VEPH1: variants seen among roughly 807,000 people sequenced by gnomAD.
VEPH1 encodes the protein ventricular zone-expressed PH domain-containing protein homolog 1.
In VEPH1, 80 loss-of-function variants were observed where a neutral mutation model predicts 85.2. The observed-to-expected ratio is 0.94, with a 90% confidence interval of 0.78 to 1.13. The LOEUF (loss-of-function observed/expected upper bound fraction) is 1.13, where lower values mean the gene tolerates loss of function less well. Ranked by LOEUF, VEPH1 falls within the 50% of genes most tolerant of loss-of-function variation. VEPH1 has a pLI of 0.00. For missense variants in VEPH1, 955 were observed against 980.5 expected (o/e 0.97, Z 0.35); for synonymous variants, 297 against 348.0 (o/e 0.85, Z 1.63).
At position 157,328,948 on chromosome 3, in the gene VEPH1, T is replaced by A. The variant is rs575121115; in HGVS notation, c.1736-11747A>T. On this transcript the variant is annotated intron_variant, in intron 9 of 13. Coordinates refer to ENST00000362010, the MANE Select transcript of VEPH1 (RefSeq NM_001167912.2). ...AAGATGTCAAGTAATTTATCTAAGGTCACATGGCTAGCAACTGGCAGTCCA... is the reference window on the plus strand; with the variant it reads ...AAGATGTCAAGTAATTTATCTAAGGACACATGGCTAGCAACTGGCAGTCCA... 4.6e-5 allele frequency among the ~76,000 whole-genome samples: 7 copies of A among 152,290 alleles called. No individual in the cohort carries two copies. The South Asian group carries it at 1.4e-3, about 32-fold the overall frequency.
intron 4 of VEPH1, chr3:157,459,786 C>A: frequency 6.8e-7 from 1 of 1,475,764 alleles, no homozygotes; most frequent in Non-Finnish European, 9.0e-7. Flanking sequence ...TAACAAAAGA[C>A]ATTTCTTGCT....
At chr3:157,343,176 T>A (rs1723783005) in intron 9 of VEPH1, among the ~76,000 whole-genome samples, 1 of 151,816 alleles carries the variant, frequency 6.6e-6, no homozygotes, top group African/African-American at 2.4e-5. Context: ...ATAACTAAGA[T>A]CAGAGCAGAA....
intron 2 of VEPH1, among the ~76,000 whole-genome samples, chr3:157,481,479 A>AC (rs1738079911): frequency 8.2e-6 from 1 of 121,472 alleles, no homozygotes; most frequent in African/African-American, 3.8e-5. Flanking sequence ...AAAAAAAAAA[A>AC]AAAAAAACAA....
intron 9 of VEPH1, among the ~76,000 whole-genome samples, chr3:157,360,932 T>C (rs1220929091): frequency 6.6e-6 from 1 of 152,218 alleles, no homozygotes; most frequent in East Asian, 1.9e-4. Flanking sequence ...TGCAGGATTT[T>C]CTCACACATT....
Position 157,459,939 on chromosome 3 carries a change from G to T in VEPH1, c.529+242C>A, listed in dbSNP as rs1463356593. 5.9e-6 allele frequency: 9 copies of T among 1,537,076 alleles called. No homozygotes were observed. The highest frequency in any genetic ancestry group is 7.8e-6 in the Non-Finnish European group (9 of 1,146,912). On this transcript the variant is annotated intron_variant, in intron 4 of 13. Transcript: ENST00000362010. Reference sequence around the variant, plus strand: ...GCAGTTCTTCAAACTGAGAAACACAGATTTGGAAGAATGCTTACAATTCTT... The same window carrying T: ...GCAGTTCTTCAAACTGAGAAACACATATTTGGAAGAATGCTTACAATTCTT...
At chr3:157,350,343 C>T (rs973720102) in intron 9 of VEPH1, among the ~76,000 whole-genome samples, 2 of 152,142 alleles carry the variant, frequency 1.3e-5, no homozygotes, top group African/African-American at 2.4e-5. Context: ...GGACTCCTAC[C>T]TCTTATCCTA....
At chr3:157,397,726 A>G (rs368896276) in intron 6 of VEPH1, among the ~76,000 whole-genome samples, 21 of 152,012 alleles carry the variant, frequency 1.4e-4, no homozygotes, top group African/African-American at 5.1e-4. Context: ...CTGCTTGTCT[A>G]TTGTTCTGTG....
chr3:157,463,505 G>A (rs1736070962), intron 3 of VEPH1, among the ~76,000 whole-genome samples: 1 of 152,124 alleles, frequency 6.6e-6, no homozygotes, highest in African/African-American at 2.4e-5. Flanking sequence ...TGTCTAGATT[G>A]TCTCCCCTCC....
intron 2 of VEPH1, among the ~76,000 whole-genome samples, chr3:157,494,884 A>C (rs1739532175): frequency 6.6e-6 from 1 of 152,026 alleles, no homozygotes; most frequent in Non-Finnish European, 1.5e-5. Context: ...TTTTCCCTGG[A>C]TTGGCTCCCT....
intron 9 of VEPH1, among the ~76,000 whole-genome samples, chr3:157,344,934 C>A (rs1724032647): frequency 1.1e-5 from 1 of 88,858 alleles, no homozygotes; most frequent in Non-Finnish European, 3.0e-5. Flanking sequence ...GAAAGGATTC[C>A]CCTATTTAAT....
At chr3:157,369,192 A>AAAAAAAAAAC (rs1727172590) in intron 7 of VEPH1, among the ~76,000 whole-genome samples, 7 of 142,700 alleles carry the variant, frequency 4.9e-5, no homozygotes, top group Non-Finnish European at 7.8e-5. Context: ...AAAAAAAAAA[A>AAAAAAAAAAC]AAAAAAAAAA....
At chr3:157,339,419 G>C (rs1723287074) in intron 9 of VEPH1, among the ~76,000 whole-genome samples, 1 of 152,186 alleles carries the variant, frequency 6.6e-6, no homozygotes. Context: ...ATGGATTTCT[G>C]TGCCCTGGTC....
At chr3:157,458,006 GA>G (rs1378678174) in intron 4 of VEPH1, among the ~76,000 whole-genome samples, 1 of 152,096 alleles carries the variant, frequency 6.6e-6, no homozygotes, top group African/African-American at 2.4e-5. Flanking sequence ...AGCTTATTGT[GA>G]TTGGTAGACT....
chr3:157,478,335 C>T (rs1021855622), intron 2 of VEPH1, among the ~76,000 whole-genome samples: 4 of 152,260 alleles, frequency 2.6e-5, no homozygotes, highest in African/African-American at 9.6e-5. Context: ...CATCTACCCC[C>T]TAACAGGTAT....
intron 4 of VEPH1, among the ~76,000 whole-genome samples, chr3:157,430,642 GT>G (rs1733070893): frequency 6.6e-6 from 1 of 152,186 alleles, no homozygotes; most frequent in South Asian, 2.1e-4. Flanking sequence ...GATTCAACAG[GT>G]TGGAGGTAGG....
intron 4 of VEPH1, among the ~76,000 whole-genome samples, chr3:157,445,133 A>G (rs941086350): frequency 6.6e-6 from 1 of 152,194 alleles, no homozygotes; most frequent in Non-Finnish European, 1.5e-5. Flanking sequence ...TTCAGCAACC[A>G]TCTTAGACCA....
At chr3:157,385,923 G>A (rs927336402) in intron 6 of VEPH1, among the ~76,000 whole-genome samples, 1 of 152,082 alleles carries the variant, frequency 6.6e-6, no homozygotes, top group Admixed American at 6.6e-5. Flanking sequence ...GGTTTACTGT[G>A]TTAGGCATAT....
At chr3:157,282,653 A>ACCCAGTTCTTCCT (rs1394649038) in intron 12 of VEPH1, among the ~76,000 whole-genome samples, 1 of 152,186 alleles carries the variant, frequency 6.6e-6, no homozygotes, top group Non-Finnish European at 1.5e-5. Flanking sequence ...GAAAGTCATG[A>ACCCAGTTCTTCCT]CCCAGTTCTT....
chr3:157,475,567 A>C (rs572721430), intron 2 of VEPH1, among the ~76,000 whole-genome samples: 1 of 152,196 alleles, frequency 6.6e-6, no homozygotes, highest in East Asian at 1.9e-4. Flanking sequence ...TGCACAAATA[A>C]GCTGTGTGAA....
Sources: gnomAD v4.1 joint callset for allele counts (sites outside exome capture counted in the v4.1 genomes callset) on GRCh38, gnomAD v4.1.1 for gene constraint, MANE v1.5 for transcripts, NCBI Gene and HGNC (gene_info 2026-07-23, HGNC 2026-07-21) for gene names.